PTPN3: variants seen among roughly 807,000 people sequenced by gnomAD.
The protein encoded by PTPN3 is tyrosine-protein phosphatase non-receptor type 3.
In PTPN3, 96 loss-of-function variants were observed where a neutral mutation model predicts 132.7. The observed-to-expected ratio is 0.72, with a 90% confidence interval of 0.61 to 0.86. PTPN3 has a LOEUF of 0.86. Ranked by LOEUF, PTPN3 falls within the 40% of genes least tolerant of loss-of-function variation. The pLI, the probability that PTPN3 is intolerant of heterozygous loss-of-function variation, is 0.00. For synonymous variants in PTPN3, 398 were observed against 429.0 expected (o/e 0.93, Z 0.89); for missense variants, 1,125 against 1,159.6 (o/e 0.97, Z 0.43).
intron 1 of PTPN3, among the ~76,000 whole-genome samples, chr9:109,464,284 T>C (rs1001603895): frequency 2.0e-5 from 3 of 152,176 alleles, no homozygotes; most frequent in African/African-American, 7.2e-5. Flanking sequence ...CATGGGCACA[T>C]TCCCAGCAGA....
At chr9:109,423,868 TCAAC>T (rs1168870868) in intron 12 of PTPN3, among the ~76,000 whole-genome samples, 3 of 152,154 alleles carry the variant, frequency 2.0e-5, no homozygotes, top group African/African-American at 4.8e-5. Context: ...TGACATGACA[TCAAC>T]CAACCAACAA....
chr9:109,432,988 C>T, intron 10 of PTPN3, 85 bp downstream of exon 10: 1 of 1,539,604 alleles, frequency 6.5e-7, no homozygotes, highest in Non-Finnish European at 8.8e-7. Context: ...TAGAAATAAA[C>T]ATTTAGAATG....
chr9:109,421,558 G>A (rs954377845), intron 13 of PTPN3, among the ~76,000 whole-genome samples: 8 of 152,026 alleles, frequency 5.3e-5, no homozygotes, highest in Admixed American at 2.0e-4. Context: ...ATCCAACCCC[G>A]CTGTTCCCCT....
At chr9:109,493,321 T>C (rs1375528911) in intron 1 of PTPN3, among the ~76,000 whole-genome samples, 1 of 152,242 alleles carries the variant, frequency 6.6e-6, no homozygotes, top group African/African-American at 2.4e-5. Context: ...CTTTGGTGGT[T>C]ACTTCATCTC....
chr9:109,433,916 T>TTTA (rs1564437088), intron 9 of PTPN3, among the ~76,000 whole-genome samples: 1 of 98,284 alleles, frequency 1.0e-5, no homozygotes. Context: ...AGACTCTGTT[T>TTTA]AAAAAAAAAA....
chr9:109,513,318 C>T, the PTPN3 span, among the ~76,000 whole-genome samples: 13 of 152,294 alleles, frequency 8.5e-5, no homozygotes, highest in Admixed American at 1.3e-4. Context: ...CCACATCCGG[C>T]GTGGAATGTT....
At chr9:109,494,845 A>G (rs148674258) in intron 1 of PTPN3, among the ~76,000 whole-genome samples, 153 of 152,252 alleles carry the variant, frequency 1.0e-3, no homozygotes, top group Non-Finnish European at 1.9e-3. Flanking sequence ...GTAGAGACTC[A>G]ATAAATGTCT....
intron 5 of PTPN3, among the ~76,000 whole-genome samples, chr9:109,452,299 A>G (rs938147939): frequency 2.7e-5 from 4 of 150,742 alleles, no homozygotes; most frequent in African/African-American, 9.9e-5. Flanking sequence ...GAAATAAAAC[A>G]GAATAGAAAA....
chr9:109,456,598 G>A (rs1845577341), intron 4 of PTPN3, among the ~76,000 whole-genome samples: 1 of 152,306 alleles, frequency 6.6e-6, no homozygotes, highest in South Asian at 2.1e-4. Context: ...GAACAATGCT[G>A]GCAATGTTGG....
chr9:109,407,453 G>A (rs1841659078), intron 17 of PTPN3, among the ~76,000 whole-genome samples: 1 of 152,082 alleles, frequency 6.6e-6, no homozygotes. Flanking sequence ...AGTACTATAT[G>A]TATAACAAGA....
chr9:109,422,930 A>G, intron 12 of PTPN3, 78 bp from the exon 13 acceptor site: 1 of 1,520,292 alleles, frequency 6.6e-7, no homozygotes, highest in East Asian at 2.3e-5. Flanking sequence ...GAAACAGTCT[A>G]CACATGCTTC....
chr9:109,514,656 G>A, the PTPN3 span, among the ~76,000 whole-genome samples: 7 of 152,236 alleles, frequency 4.6e-5, no homozygotes, highest in East Asian at 3.9e-4. Context: ...TGGTAGGTGC[G>A]TAGACTGTTT....
At chr9:109,418,252 C>T (rs976540098) in intron 14 of PTPN3, among the ~76,000 whole-genome samples, 15 of 152,234 alleles carry the variant, frequency 9.9e-5, no homozygotes, top group Admixed American at 4.6e-4. Context: ...TGATTTGCTC[C>T]GGTGTTCCCC....
chr9:109,424,094 CAA>C (rs1331201431), intron 12 of PTPN3, among the ~76,000 whole-genome samples: 2 of 152,108 alleles, frequency 1.3e-5, no homozygotes, highest in Non-Finnish European at 2.9e-5. Flanking sequence ...ACAAGGGGAG[CAA>C]ACTGCCCAAC....
intron 14 of PTPN3, among the ~76,000 whole-genome samples, 177 bp from the exon 15 acceptor site, chr9:109,410,592 T>C (rs1842006152): frequency 6.6e-6 from 1 of 152,134 alleles, no homozygotes; most frequent in East Asian, 1.9e-4. Context: ...CCTGACCGCA[T>C]CTGGCCTAGA....
chr9:109,424,111 A>G (rs750765387), intron 12 of PTPN3, among the ~76,000 whole-genome samples: 1 of 152,166 alleles, frequency 6.6e-6, no homozygotes, highest in African/African-American at 2.4e-5. Flanking sequence ...CCCAACTCCA[A>G]GGTTTAATGT....
chr9:109,396,124 G>T (rs959934040), intron 19 of PTPN3, among the ~76,000 whole-genome samples: 2 of 152,138 alleles, frequency 1.3e-5, no homozygotes, highest in African/African-American at 2.4e-5. Flanking sequence ...GGCCTCCCAA[G>T]GTGCTGGGAT....
At chr9:109,513,977 C>G in the PTPN3 span, among the ~76,000 whole-genome samples, 1 of 152,092 alleles carries the variant, frequency 6.6e-6, no homozygotes, top group Non-Finnish European at 1.5e-5. Flanking sequence ...CTTAACAAGC[C>G]CCAAGCTAAC....
intron 1 of PTPN3, among the ~76,000 whole-genome samples, chr9:109,463,798 A>AT (rs1845965973): frequency 6.6e-6 from 1 of 152,218 alleles, no homozygotes; most frequent in South Asian, 2.1e-4. Flanking sequence ...AGAACTAAAC[A>AT]TGGTATAAAT....
Sources: gnomAD v4.1 joint callset for allele counts (sites outside exome capture counted in the v4.1 genomes callset) on GRCh38, gnomAD v4.1.1 for gene constraint, MANE v1.5 for transcripts, NCBI Gene and HGNC (gene_info 2026-07-23, HGNC 2026-07-21) for gene names.